Variants in NRG3 observed in about 807,000 individuals in gnomAD.
NRG3 encodes the protein pro-neuregulin-3, membrane-bound isoform.
Under a neutral mutation model 66.9 loss-of-function variants are expected in NRG3, and 31 were observed. That is an observed-to-expected ratio of 0.46 (90% CI 0.35 to 0.63). The LOEUF is 0.63. Ranked by LOEUF, NRG3 falls within the 20% of genes least tolerant of loss-of-function variation. NRG3 has a pLI of 0.00. For missense variants in NRG3, 910 were observed against 878.9 expected (o/e 1.04, Z -0.45); for synonymous variants, 393 against 359.4 (o/e 1.09, Z -1.06).
intron 2 of NRG3, among the ~76,000 whole-genome samples, chr10:82,604,745 A>T (rs1685856142): frequency 6.6e-6 from 1 of 152,162 alleles, no homozygotes; most frequent in South Asian, 2.1e-4. Context: ...TTCAATGGAG[A>T]AATTATAGTC....
intron 3 of NRG3, among the ~76,000 whole-genome samples, chr10:82,784,748 C>T (rs1350759499): frequency 6.6e-6 from 1 of 151,924 alleles, no homozygotes; most frequent in Non-Finnish European, 1.5e-5. Flanking sequence ...CACTTTTACA[C>T]TGTTGGTGGG....
At chr10:82,207,892 G>A (rs2075203497) in intron 1 of NRG3, among the ~76,000 whole-genome samples, 1 of 152,058 alleles carries the variant, frequency 6.6e-6, no homozygotes, top group African/African-American at 2.4e-5. Flanking sequence ...GGGGATTATG[G>A]GGATTACAAT....
rs1286941256 is a variant in NRG3, at chr10:82,216,571, T to TGG, written c.824-142166_824-142165dup. 8.4e-4 allele frequency among the ~76,000 whole-genome samples: 108 copies of TGG among 129,044 alleles called. No homozygotes were observed. In the East Asian group the frequency reaches 9.5e-3, roughly 11 times the overall value. 84.7% of individuals were successfully genotyped at this position (129,044 alleles called of 152,430 possible). A position where few individuals can be genotyped will look rare whatever the true frequency, so the allele number is the denominator to read the frequency against. ...ATGTATACATATGTATGTATATATC[T>TGG]GGGTGTGTGTGTGTGTGTGTGTGTA... On this transcript the variant is annotated intron_variant, in intron 1 of 8. Transcript: ENST00000372141.
At chr10:82,981,941 C>T (rs1852953742) in intron 8 of NRG3, among the ~76,000 whole-genome samples, 1 of 152,162 alleles carries the variant, frequency 6.6e-6, no homozygotes, top group African/African-American at 2.4e-5. Context: ...ATATACTTCT[C>T]TTCAGTTATT....
At chr10:82,758,767 C>G (rs1023919747) in intron 3 of NRG3, among the ~76,000 whole-genome samples, 3 of 151,814 alleles carry the variant, frequency 2.0e-5, no homozygotes, top group Non-Finnish European at 4.4e-5. Flanking sequence ...TCTATATCAG[C>G]ATGAAAAACC....
At chr10:82,723,715 C>T (rs1013498383) in intron 2 of NRG3, among the ~76,000 whole-genome samples, 7 of 152,146 alleles carry the variant, frequency 4.6e-5, no homozygotes, top group African/African-American at 1.7e-4. Context: ...CGTGGTGGCT[C>T]ACGCCTGTAA....
chr10:82,395,101 A>C (rs1329358888), intron 2 of NRG3, among the ~76,000 whole-genome samples: 11 of 152,142 alleles, frequency 7.2e-5, no homozygotes, highest in African/African-American at 2.7e-4. Flanking sequence ...AGTTTCTGTC[A>C]CCACCATGAG....
chr10:82,820,843 C>T (rs143756838), intron 3 of NRG3, among the ~76,000 whole-genome samples: 8 of 152,294 alleles, frequency 5.3e-5, no homozygotes, highest in Admixed American at 2.0e-4. Context: ...TTCTTTTAAT[C>T]GTTTTTGTGG....
chr10:82,132,901 T>C (rs2069039284), intron 1 of NRG3, among the ~76,000 whole-genome samples: 1 of 152,032 alleles, frequency 6.6e-6, no homozygotes, highest in Admixed American at 6.6e-5. Context: ...TTTGAATTTC[T>C]TCAATATAAA....
At chr10:82,132,458 TG>T (rs2068900761) in intron 1 of NRG3, among the ~76,000 whole-genome samples, 1 of 84,340 alleles carries the variant, frequency 1.2e-5, no homozygotes, top group Non-Finnish European at 2.4e-5. Flanking sequence ...TATATATATA[TG>T]ATATATATGA....
chr10:82,519,598 A>G (rs1846005099), intron 2 of NRG3, among the ~76,000 whole-genome samples: 1 of 152,136 alleles, frequency 6.6e-6, no homozygotes, highest in Non-Finnish European at 1.5e-5. Context: ...GCCTGGTCCC[A>G]TCTCTCTTCT....
chr10:82,309,084 G>A lies in NRG3; in HGVS notation c.824-49655G>A, dbSNP rs2080892142. Among the ~76,000 whole-genome samples the A allele has an allele frequency of 2.6e-5, 4 of 152,110 alleles. No individual in the cohort carries two copies. In the South Asian group the frequency reaches 6.2e-4, roughly 24 times the overall value. On this transcript the variant is annotated intron_variant, in intron 1 of 8. Coordinates refer to ENST00000372141, the MANE Select transcript of NRG3 (RefSeq NM_001010848.4). ...GGATCCATACTTTAATGCAAGACAG[G>A]TCTTGCCAATATCCACTACTATTGC...
At chr10:81,964,418 A>T (rs944501528) in intron 1 of NRG3, among the ~76,000 whole-genome samples, 1 of 122,102 alleles carries the variant, frequency 8.2e-6, no homozygotes, top group African/African-American at 3.8e-5. Flanking sequence ...AAAAAAAAAA[A>T]GAAGAATATT....
intron 3 of NRG3, among the ~76,000 whole-genome samples, chr10:82,769,766 C>A (rs1354479728): frequency 6.6e-6 from 1 of 152,016 alleles, no homozygotes; most frequent in Non-Finnish European, 1.5e-5. Flanking sequence ...ATTCTTCCTA[C>A]ATATCTTTTT....
chr10:82,009,943 A>G (rs914375576), intron 1 of NRG3, among the ~76,000 whole-genome samples: 3 of 152,232 alleles, frequency 2.0e-5, no homozygotes, highest in Middle Eastern at 3.4e-3. Flanking sequence ...TTTCTTTGAC[A>G]TTTTTCATTA....
chr10:82,414,683 G>A (rs2088400959), intron 2 of NRG3, among the ~76,000 whole-genome samples: 1 of 152,076 alleles, frequency 6.6e-6, no homozygotes, highest in African/African-American at 2.4e-5. Context: ...GAATAAATAT[G>A]GTTATATCAA....
intron 1 of NRG3, among the ~76,000 whole-genome samples, chr10:81,927,778 A>G (rs1234152372): frequency 6.6e-6 from 1 of 152,076 alleles, no homozygotes; most frequent in Non-Finnish European, 1.5e-5. Context: ...GAGTATTCCA[A>G]AGTAAACTTG....
chr10:82,559,508 G>T (rs774543006), intron 2 of NRG3, among the ~76,000 whole-genome samples: 10 of 152,196 alleles, frequency 6.6e-5, no homozygotes, highest in Non-Finnish European at 1.3e-4. Flanking sequence ...GTCATCAGGT[G>T]CTAGTAGCCT....
chr10:82,098,488 C>T (rs547901010), intron 1 of NRG3, among the ~76,000 whole-genome samples: 2 of 152,204 alleles, frequency 1.3e-5, no homozygotes, highest in South Asian at 4.1e-4. Context: ...TAGTGAGAAT[C>T]ACAGGTCTTT....
Sources: allele counts gnomAD v4.1 joint callset (sites outside exome capture counted in the v4.1 genomes callset), GRCh38; gene constraint gnomAD v4.1.1; transcripts MANE v1.5; gene names NCBI Gene and HGNC (gene_info 2026-07-23, HGNC 2026-07-21).